The following PTCHD4 variants were observed in gnomAD, a reference collection of about 807,000 sequenced individuals.
The protein encoded by PTCHD4 is patched domain-containing protein 4.
PTCHD4 carries 33 observed loss-of-function variants against 58.1 expected under a neutral mutation model. That is an observed-to-expected ratio of 0.57 (90% CI 0.43 to 0.76). The LOEUF (loss-of-function observed/expected upper bound fraction) is 0.76, where lower values mean the gene tolerates loss of function less well. Ranked by LOEUF, PTCHD4 falls within the 30% of genes least tolerant of loss-of-function variation. The pLI is 0.00. For synonymous variants in PTCHD4, 478 were observed against 409.6 expected (o/e 1.17, Z -2.02); for missense variants, 1,058 against 1,027.1 (o/e 1.03, Z -0.41).
At chr6:47,955,377 G>A (rs1561976248) in intron 4 of PTCHD4, among the ~76,000 whole-genome samples, 1 of 152,180 alleles carries the variant, frequency 6.6e-6, no homozygotes, top group African/African-American at 2.4e-5. Flanking sequence ...TATTGTCAAA[G>A]GCTCTCGAAT....
In PTCHD4 at chr6:47,872,813, G is replaced by A. The variant is rs1318984829; in HGVS notation, c.*5490C>T. Among the ~76,000 whole-genome samples the A allele has an allele frequency of 6.6e-6, 1 of 151,468 alleles. No individual in the cohort carries two copies. The highest frequency in any genetic ancestry group is 2.4e-5 in the African/African-American group (1 of 41,294). On this transcript the variant is annotated 3_prime_UTR_variant, in exon 5 of 5. Transcript: ENST00000339488. ...ATGCAGAAGACATAAAATGTGATTT[G>A]TAGACTAGGAAGTTATACTATAAAT...
chr6:48,034,503 G>T (rs931292412), intron 3 of PTCHD4, among the ~76,000 whole-genome samples: 9 of 152,080 alleles, frequency 5.9e-5, no homozygotes, highest in African/African-American at 2.2e-4. Flanking sequence ...AAAAAATGAA[G>T]ATTACCCAGG....
Position 47,869,132 on chromosome 6 carries a change from T to C in PTCHD4, c.*9171A>G, listed in dbSNP as rs985225846. On this transcript the variant is annotated 3_prime_UTR_variant, in exon 5 of 5. Coordinates refer to ENST00000339488, the MANE Select transcript of PTCHD4 (RefSeq NM_001384253.1). The stretch of plus-strand genomic sequence containing the variant: ...ACATATTTTGAATGTTGGTTATCTA[T>C]GCGTTATGTATAATGCCACCACATT... Among the ~76,000 whole-genome samples the C allele has an allele frequency of 3.3e-5, 5 of 151,748 alleles. No homozygotes were observed. The highest frequency in any genetic ancestry group is 7.4e-5 in the Non-Finnish European group (5 of 67,770).
chr6:47,865,373 C>T lies in PTCHD4; in HGVS notation c.*12930G>A, dbSNP rs1026207137. Among the ~76,000 whole-genome samples the T allele has an allele frequency of 6.6e-6, 1 of 151,860 alleles. No homozygotes were observed. Among genetic ancestry groups the T allele is most frequent in the Non-Finnish European group, 1.5e-5 (1 of 67,884 alleles). ...CTGTTCTGTAAAGATAAAGCAATTT[C>T]CTGAAAATTTGTGGTAAAGCTTTAC... On this transcript the variant is annotated 3_prime_UTR_variant, in exon 5 of 5. Coordinates refer to ENST00000339488, the MANE Select transcript of PTCHD4 (RefSeq NM_001384253.1).
chr6:47,897,813 A>AT (rs1327077506), intron 4 of PTCHD4, among the ~76,000 whole-genome samples: 1 of 152,156 alleles, frequency 6.6e-6, no homozygotes, highest in Non-Finnish European at 1.5e-5. Context: ...TTGCCACACA[A>AT]TATCTATGTG....
intron 4 of PTCHD4, among the ~76,000 whole-genome samples, chr6:47,927,439 A>T (rs545345221): frequency 6.6e-6 from 1 of 152,220 alleles, no homozygotes; most frequent in East Asian, 1.9e-4. Context: ...GATGCAACTA[A>T]TTTTTGCTTG....
At chr6:47,909,730 C>T (rs1300116996) in intron 4 of PTCHD4, among the ~76,000 whole-genome samples, 1 of 152,080 alleles carries the variant, frequency 6.6e-6, no homozygotes, top group Non-Finnish European at 1.5e-5. Flanking sequence ...GTATGAGCCA[C>T]CATGCCTGGA....
At chr6:47,988,144 GA>G (rs1768143480) in intron 4 of PTCHD4, among the ~76,000 whole-genome samples, 1 of 151,998 alleles carries the variant, frequency 6.6e-6, no homozygotes, top group African/African-American at 2.4e-5. Context: ...AATATTAAAA[GA>G]AAAAAATAAG....
At chr6:48,045,774 T>C (rs1406097083) in intron 3 of PTCHD4, among the ~76,000 whole-genome samples, 1 of 151,622 alleles carries the variant, frequency 6.6e-6, no homozygotes, top group Non-Finnish European at 1.5e-5. Context: ...GAGATTTTTT[T>C]TTTCTTTTTT....
intron 4 of PTCHD4, among the ~76,000 whole-genome samples, chr6:47,981,688 G>A (rs1003876636): frequency 3.3e-5 from 5 of 152,180 alleles, no homozygotes; most frequent in African/African-American, 1.2e-4. Context: ...GGAGCTGGTT[G>A]CAGAAGTGAG....
chr6:47,930,332 G>C (rs1765770186), intron 4 of PTCHD4, among the ~76,000 whole-genome samples: 1 of 152,088 alleles, frequency 6.6e-6, no homozygotes, highest in Non-Finnish European at 1.5e-5. Flanking sequence ...ATTTCGTTTT[G>C]TATACAGATG....
chr6:47,871,229 C>T lies in PTCHD4; in HGVS notation c.*7074G>A, dbSNP rs1396165601. 6.6e-6 allele frequency among the ~76,000 whole-genome samples: 1 copy of T among 151,552 alleles called. No individual in the cohort carries two copies. The highest frequency in any genetic ancestry group is 1.5e-5 in the Non-Finnish European group (1 of 67,680). On this transcript the variant is annotated 3_prime_UTR_variant, in exon 5 of 5. Transcript: ENST00000339488. ...CCGTAAGTGACTTGTGTTTTAAAAA[C>T]CCCGATTTAGCAGAAAATAATAGCA...
At chr6:48,110,347 A>G (rs1261021608) in intron 1 of PTCHD4, among the ~76,000 whole-genome samples, 3 of 152,168 alleles carry the variant, frequency 2.0e-5, no homozygotes, top group Non-Finnish European at 4.4e-5. Flanking sequence ...CACTTTGCTA[A>G]GTGAAATAAG....
intron 1 of PTCHD4, among the ~76,000 whole-genome samples, chr6:48,106,969 G>T (rs1765743064): frequency 6.6e-6 from 1 of 152,090 alleles, no homozygotes; most frequent in Non-Finnish European, 1.5e-5. Flanking sequence ...ACAAATGGAA[G>T]AACATTCCAT....
chr6:48,054,144 G>C (rs1257773218), intron 3 of PTCHD4, among the ~76,000 whole-genome samples: 3 of 152,018 alleles, frequency 2.0e-5, no homozygotes, highest in Non-Finnish European at 2.9e-5. Flanking sequence ...ATCTTAAGAG[G>C]GGCCCCAGAC....
chr6:48,032,588 CAT>C, intron 3 of PTCHD4, among the ~76,000 whole-genome samples: 1 of 152,168 alleles, frequency 6.6e-6, no homozygotes, highest in East Asian at 1.9e-4. Context: ...AAAGCAATAA[CAT>C]ATTGTATTAA....
At chr6:48,010,357 C>G (rs1212135896) in intron 3 of PTCHD4, among the ~76,000 whole-genome samples, 1 of 152,114 alleles carries the variant, frequency 6.6e-6, no homozygotes, top group Non-Finnish European at 1.5e-5. Context: ...TGTGATAACT[C>G]TTGTTTTTCG....
At chr6:47,897,576 C>T (rs932888470) in intron 4 of PTCHD4, among the ~76,000 whole-genome samples, 2 of 152,174 alleles carry the variant, frequency 1.3e-5, no homozygotes, top group Non-Finnish European at 2.9e-5. Flanking sequence ...CCTAATTCTC[C>T]CTTCAGGTGA....
intron 3 of PTCHD4, among the ~76,000 whole-genome samples, chr6:48,039,521 C>T (rs143854887): frequency 1.4e-4 from 21 of 152,126 alleles, no homozygotes; most frequent in Non-Finnish European, 3.1e-4. Context: ...TATGTTTTAA[C>T]CTTGGTGGTG....
Sources: allele counts gnomAD v4.1 joint callset (sites outside exome capture counted in the v4.1 genomes callset), GRCh38; gene constraint gnomAD v4.1.1; transcripts MANE v1.5; gene names NCBI Gene and HGNC (gene_info 2026-07-23, HGNC 2026-07-21).